Variants in LAMA2 observed in about 807,000 individuals in gnomAD.
LAMA2 encodes laminin subunit alpha-2.
Under a neutral mutation model 364.8 loss-of-function variants are expected in LAMA2, and 269 were observed. That is an observed-to-expected ratio of 0.74 (90% confidence interval 0.67 to 0.82). The LOEUF is 0.82. LAMA2 is among the 40% of genes least tolerant of loss of function. The pLI is 0.00. For missense variants in LAMA2, 3,807 were observed against 3,873.2 expected (o/e 0.98, Z 0.45); for synonymous variants, 1,379 against 1,370.6 (o/e 1.01, Z -0.14).
chr6:129,060,234 A>G (rs1315344527), intron 3 of LAMA2, among the ~76,000 whole-genome samples: 1 of 152,250 alleles, frequency 6.6e-6, no homozygotes, highest in East Asian at 1.9e-4. Context: ...AACTTTTAAA[A>G]TAATACATTG....
At chr6:129,290,593 T>C (rs780140873) in intron 19 of LAMA2, among the ~76,000 whole-genome samples, 27 of 152,186 alleles carry the variant, frequency 1.8e-4, no homozygotes, top group Non-Finnish European at 3.8e-4. Context: ...CAAATCAAAA[T>C]ATTCAGAAAT....
At chr6:129,454,957 A>G (rs1265337196) in intron 47 of LAMA2, among the ~76,000 whole-genome samples, 2 of 152,200 alleles carry the variant, frequency 1.3e-5, no homozygotes, top group African/African-American at 4.8e-5. Flanking sequence ...GCCTAGGGCT[A>G]GACATGAAGC....
chr6:129,037,412 G>A (rs1457287685), intron 1 of LAMA2, among the ~76,000 whole-genome samples: 1 of 152,136 alleles, frequency 6.6e-6, no homozygotes, highest in Non-Finnish European at 1.5e-5. Context: ...TGAATATATT[G>A]AAGTGAATTG....
intron 29 of LAMA2, among the ~76,000 whole-genome samples, chr6:129,330,314 A>T (rs1775553112): frequency 6.6e-6 from 1 of 151,880 alleles, no homozygotes; most frequent in Non-Finnish European, 1.5e-5. Context: ...GGTGCCAAAA[A>T]CATTGGAGAC....
chr6:129,479,308 G>A (rs909316826), intron 54 of LAMA2, among the ~76,000 whole-genome samples: 7 of 152,116 alleles, frequency 4.6e-5, no homozygotes, highest in African/African-American at 1.4e-4. Context: ...AACATAGACT[G>A]GGACCTGTGG....
intron 1 of LAMA2, among the ~76,000 whole-genome samples, chr6:128,934,030 C>A (rs371391089): frequency 6.6e-6 from 1 of 152,076 alleles, no homozygotes; most frequent in Admixed American, 6.6e-5. Context: ...TGGCAAGGAG[C>A]CTTTTCTTTA....
At chr6:129,471,563 C>T (rs1372483049) in intron 51 of LAMA2, among the ~76,000 whole-genome samples, 1 of 151,838 alleles carries the variant, frequency 6.6e-6, no homozygotes, top group Non-Finnish European at 1.5e-5. Flanking sequence ...TTTTCATCTT[C>T]CAGTCAACAG....
intron 3 of LAMA2, among the ~76,000 whole-genome samples, chr6:129,065,302 A>C (rs1191663829): frequency 6.6e-6 from 1 of 152,176 alleles, no homozygotes; most frequent in African/African-American, 2.4e-5. Context: ...CTAACATCAT[A>C]CTCAATAGTG....
At chr6:129,057,549 G>A (rs1254591932) in intron 2 of LAMA2, among the ~76,000 whole-genome samples, 3 of 152,036 alleles carry the variant, frequency 2.0e-5, no homozygotes, top group Non-Finnish European at 4.4e-5. Flanking sequence ...TTCACAAATC[G>A]ATCACACATT....
At chr6:128,929,890 A>G in intron 1 of LAMA2, 1 of 883,442 alleles carries the variant, frequency 1.1e-6, no homozygotes, top group Admixed American at 1.8e-5. Context: ...GTGACAGCTG[A>G]GTGTATGGGA....
At chr6:129,343,179 T>C (rs1776362957) in intron 30 of LAMA2, among the ~76,000 whole-genome samples, 1 of 152,160 alleles carries the variant, frequency 6.6e-6, no homozygotes. Flanking sequence ...ATTTATAGAC[T>C]TCAGTAAGGC....
intron 4 of LAMA2, among the ~76,000 whole-genome samples, chr6:129,134,073 A>G (rs752488072): frequency 6.6e-6 from 1 of 152,196 alleles, no homozygotes; most frequent in African/African-American, 2.4e-5. Context: ...CCACACGGGG[A>G]CTGAAAACAA....
At chr6:129,486,242 G>T (rs936851684) in intron 55 of LAMA2, among the ~76,000 whole-genome samples, 5 of 152,190 alleles carry the variant, frequency 3.3e-5, no homozygotes, top group Non-Finnish European at 7.4e-5. Context: ...AATCTGCTTT[G>T]CAGAGAACTG....
intron 29 of LAMA2, among the ~76,000 whole-genome samples, chr6:129,329,659 G>A (rs1775511257): frequency 6.6e-6 from 1 of 152,166 alleles, no homozygotes; most frequent in Admixed American, 6.5e-5. Flanking sequence ...ACCATGCCCA[G>A]CTGCAGTCGC....
At chr6:129,351,233 A>G (rs1776836088) in intron 31 of LAMA2, among the ~76,000 whole-genome samples, 1 of 152,160 alleles carries the variant, frequency 6.6e-6, no homozygotes. Context: ...TGTAGTTACC[A>G]TTTTCTACAA....
intron 9 of LAMA2, among the ~76,000 whole-genome samples, chr6:129,168,732 T>C (rs1432885859): frequency 7.0e-6 from 1 of 142,760 alleles, no homozygotes. Flanking sequence ...GGGGATGGCA[T>C]TGAATCTGTA....
chr6:129,010,467 A>C (rs536171826), intron 1 of LAMA2, among the ~76,000 whole-genome samples: 2 of 152,362 alleles, frequency 1.3e-5, no homozygotes, highest in African/African-American at 4.8e-5. Context: ...AATTTTCACT[A>C]ATCTAGAAAA....
chr6:129,462,719 A>G (rs548916204), intron 49 of LAMA2, among the ~76,000 whole-genome samples: 1 of 152,012 alleles, frequency 6.6e-6, no homozygotes, highest in South Asian at 2.1e-4. Context: ...ATTTGTAAGA[A>G]TAATTTTTAT....
At chr6:128,970,066 G>T (rs1782093617) in intron 1 of LAMA2, among the ~76,000 whole-genome samples, 1 of 152,050 alleles carries the variant, frequency 6.6e-6, no homozygotes, top group Non-Finnish European at 1.5e-5. Flanking sequence ...GGAAAATATG[G>T]TATCTTATTC....
Sources: gnomAD v4.1 joint callset for allele counts (sites outside exome capture counted in the v4.1 genomes callset) on GRCh38, gnomAD v4.1.1 for gene constraint, MANE v1.5 for transcripts, NCBI Gene and HGNC (gene_info 2026-07-23, HGNC 2026-07-21) for gene names.